Variants in PCGF5 observed in about 807,000 individuals in gnomAD.
PCGF5 encodes the protein polycomb group RING finger protein 5.
PCGF5 carries 9 observed loss-of-function variants against 44.3 expected under a neutral mutation model. The ratio of observed to expected loss-of-function variants is 0.20; its 90% CI spans 0.12 to 0.35. The LOEUF (loss-of-function observed/expected upper bound fraction) is 0.35. Ranked by LOEUF, PCGF5 falls within the 10% of genes least tolerant of loss-of-function variation. The pLI, the probability that PCGF5 is intolerant of heterozygous loss-of-function variation, is 1.00. For synonymous variants in PCGF5, 95 were observed against 102.5 expected, an observed-to-expected ratio of 0.93 and a Z score of 0.44; for missense variants, 146 against 305.3, an observed-to-expected ratio of 0.48 and a Z score of 3.89.
intron 3 of PCGF5, among the ~76,000 whole-genome samples, chr10:91,241,269 A>G (rs997089596): frequency 2.0e-5 from 3 of 151,882 alleles, no homozygotes; most frequent in East Asian, 3.9e-4. Flanking sequence ...GGGTTTCTCC[A>G]TGTTGGTCAG....
At chr10:91,195,431 A>G (rs1844110616) in intron 1 of PCGF5, among the ~76,000 whole-genome samples, 1 of 151,262 alleles carries the variant, frequency 6.6e-6, no homozygotes, top group Non-Finnish European at 1.5e-5. Flanking sequence ...ATAATTGAAT[A>G]TAAATCATAT....
At chr10:91,158,912 A>G (rs12264505), upstream of PCGF5, among the ~76,000 whole-genome samples, 1,139 of 152,334 alleles carry the variant, frequency 7.5e-3, 16 homozygotes, top group African/African-American at 0.026. Flanking sequence ...TAAACAGTTG[A>G]CTATAAAATA....
upstream of PCGF5, among the ~76,000 whole-genome samples, chr10:91,215,308 G>T (rs1196029949): frequency 6.6e-6 from 1 of 152,200 alleles, no homozygotes; most frequent in Non-Finnish European, 1.5e-5. Flanking sequence ...TTATAATTCA[G>T]TAATATAGTT....
chr10:91,163,535 C>A (rs1843433731), intron 1 of PCGF5, among the ~76,000 whole-genome samples: 1 of 152,030 alleles, frequency 6.6e-6, no homozygotes, highest in African/African-American at 2.4e-5. Flanking sequence ...CGAGGAGGGA[C>A]GACCTGAGTC....
chr10:91,266,553 A>C (rs1251279119), intron 8 of PCGF5, among the ~76,000 whole-genome samples: 1 of 152,200 alleles, frequency 6.6e-6, no homozygotes, highest in Non-Finnish European at 1.5e-5. Context: ...AAACTAAACC[A>C]ATAAACAGAA....
intron 5 of PCGF5, 145 bp downstream of exon 5, chr10:91,248,869 T>C (rs1845544203): frequency 1.4e-6 from 1 of 695,468 alleles, no homozygotes; most frequent in Non-Finnish European, 2.4e-6. Context: ...CGAACCTTTT[T>C]CTCTATATGA....
intron 1 of PCGF5, among the ~76,000 whole-genome samples, chr10:91,187,355 G>A (rs1241407854): frequency 2.6e-5 from 4 of 152,056 alleles, no homozygotes; most frequent in African/African-American, 9.7e-5. Context: ...TGCAGATTTT[G>A]TAGTGATCTG....
chr10:91,164,131 C>T (rs142787161), intron 1 of PCGF5, among the ~76,000 whole-genome samples: 2,511 of 152,336 alleles, frequency 0.016, 77 homozygotes, highest in African/African-American at 0.058. Flanking sequence ...CGCGCGTACT[C>T]GCTATGTACC....
intron 9 of PCGF5, among the ~76,000 whole-genome samples, chr10:91,275,704 C>T (rs1846296960): frequency 6.6e-6 from 1 of 151,374 alleles, no homozygotes; most frequent in African/African-American, 2.4e-5. Context: ...CTGCCCGCCT[C>T]GGGCTCCCAA....
At chr10:91,258,326 G>A (rs1209017085) in intron 6 of PCGF5, among the ~76,000 whole-genome samples, 1 of 152,148 alleles carries the variant, frequency 6.6e-6, no homozygotes, top group Non-Finnish European at 1.5e-5. Context: ...TTTCTTGACA[G>A]ATGAAAAATA....
intron 7 of PCGF5, among the ~76,000 whole-genome samples, chr10:91,263,826 G>T (rs997961955): frequency 6.6e-6 from 1 of 152,178 alleles, no homozygotes; most frequent in Non-Finnish European, 1.5e-5. Context: ...AGAGAAGCCA[G>T]ACAGCCCTAA....
intron 3 of PCGF5, 88 bp downstream of exon 3, chr10:91,240,668 G>A (rs754138103): frequency 5.1e-6 from 4 of 791,796 alleles, no homozygotes; most frequent in Admixed American, 2.5e-5. Context: ...ATTTCATGTT[G>A]TCTTGACTCA....
chr10:91,195,447 T>C (rs1844111691), intron 1 of PCGF5, among the ~76,000 whole-genome samples: 1 of 129,536 alleles, frequency 7.7e-6, no homozygotes, highest in Admixed American at 7.6e-5. Context: ...CATATGTATA[T>C]ATATGCATAT....
intron 1 of PCGF5, among the ~76,000 whole-genome samples, chr10:91,174,100 A>G (rs1233510299): frequency 6.6e-6 from 1 of 150,888 alleles, no homozygotes; most frequent in Non-Finnish European, 1.5e-5. Flanking sequence ...TCTAACCTAC[A>G]GTGGCCCAAG....
At chr10:91,216,198 A>G (rs925544358), upstream of PCGF5, among the ~76,000 whole-genome samples, 9 of 152,198 alleles carry the variant, frequency 5.9e-5, no homozygotes, top group African/African-American at 1.9e-4. Flanking sequence ...TGAGTTGTTA[A>G]TGTATGAATA....
intron 1 of PCGF5, among the ~76,000 whole-genome samples, chr10:91,187,166 A>G (rs1468419228): frequency 6.6e-6 from 1 of 152,180 alleles, no homozygotes; most frequent in Non-Finnish European, 1.5e-5. Context: ...TGTAAAAAAT[A>G]CTGGTATCTG....
chr10:91,182,109 T>G (rs1250589258), intron 1 of PCGF5, among the ~76,000 whole-genome samples: 1 of 152,122 alleles, frequency 6.6e-6, no homozygotes, highest in African/African-American at 2.4e-5. Context: ...CTGATGGTTG[T>G]TTGTATTTCT....
At chr10:91,263,835 A>G (rs1845983249) in intron 7 of PCGF5, among the ~76,000 whole-genome samples, 1 of 152,168 alleles carries the variant, frequency 6.6e-6, no homozygotes, top group South Asian at 2.1e-4. Context: ...AGACAGCCCT[A>G]AGAGACACAG....
upstream of PCGF5, among the ~76,000 whole-genome samples, chr10:91,162,403 G>A (rs1357207711): frequency 1.3e-5 from 2 of 152,060 alleles, no homozygotes; most frequent in Non-Finnish European, 2.9e-5. Context: ...CAGCTTATAC[G>A]GGAAGCCTGG....
Sources: allele counts gnomAD v4.1 joint callset (sites outside exome capture counted in the v4.1 genomes callset), GRCh38; gene constraint gnomAD v4.1.1; transcripts MANE v1.5; gene names NCBI Gene and HGNC (gene_info 2026-07-23, HGNC 2026-07-21).